Variants in FANCD2OS observed in about 807,000 individuals in gnomAD.
The protein encoded by FANCD2OS is FANCD2 opposite strand protein.
FANCD2OS carries 11 observed loss-of-function variants against 13.2 expected under a neutral mutation model. The ratio of observed to expected loss-of-function variants is 0.83; its 90% CI spans 0.52 to 1.38. The LOEUF (loss-of-function observed/expected upper bound fraction) is 1.38. Ranked by LOEUF, FANCD2OS falls within the 40% of genes most tolerant of loss-of-function variation. The probability of loss-of-function intolerance (pLI) is 0.00; values close to 1 mark genes in which losing one functional copy is unlikely to be tolerated. For synonymous variants in FANCD2OS, 69 were observed against 84.5 expected (o/e 0.82, Z 1.01); for missense variants, 217 against 213.9 (o/e 1.01, Z -0.09).
chr3:10,091,737 A>G (rs544587595), intron 2 of FANCD2OS, among the ~76,000 whole-genome samples: 27 of 152,098 alleles, frequency 1.8e-4, no homozygotes, highest in Admixed American at 8.5e-4. Context: ...GAATCTCAGA[A>G]ACTCAAAACA....
chr3:10,102,321 T>C (rs1163802678), downstream of FANCD2OS, among the ~76,000 whole-genome samples: 7 of 151,842 alleles, frequency 4.6e-5, no homozygotes, highest in Admixed American at 1.3e-4. Context: ...TCTTTGTATT[T>C]TTTAGTAGAG....
chr3:10,096,240 T>A, intron 2 of FANCD2OS: 1 of 1,419,970 alleles, frequency 7.0e-7, no homozygotes, highest in Admixed American at 1.7e-5. Context: ...GCTTGTGTTC[T>A]TATTCAACAT....
chr3:10,100,314 C>G (rs1467999149), downstream of FANCD2OS, among the ~76,000 whole-genome samples: 1 of 152,234 alleles, frequency 6.6e-6, no homozygotes, highest in Non-Finnish European at 1.5e-5. Context: ...ATCTCTCATA[C>G]TAGTATCGTA....
chr3:10,089,140 C>A (rs967370241), intron 2 of FANCD2OS, among the ~76,000 whole-genome samples: 5 of 152,038 alleles, frequency 3.3e-5, no homozygotes, highest in Admixed American at 1.3e-4. Flanking sequence ...CAAAAATTAG[C>A]CGGGCGTGGT....
chr3:10,105,605 C>A (rs1482387051), intron 1 of FANCD2OS, among the ~76,000 whole-genome samples: 2 of 151,050 alleles, frequency 1.3e-5, no homozygotes, highest in East Asian at 3.9e-4. Context: ...CAAAAATTAG[C>A]CGGGCGTGGT....
chr3:10,087,054 G>T, intron 2 of FANCD2OS: 1 of 1,492,668 alleles, frequency 6.7e-7, no homozygotes. Flanking sequence ...AAAGGGACTT[G>T]GGCACGTCAT....
intron 2 of FANCD2OS, among the ~76,000 whole-genome samples, chr3:10,092,768 C>A (rs540056452): frequency 6.8e-6 from 1 of 146,004 alleles, no homozygotes; most frequent in Non-Finnish European, 1.5e-5. Flanking sequence ...TCACAGCTCA[C>A]TGCAGCCTCA....
intron 2 of FANCD2OS, chr3:10,088,781 A>G (rs1481963615): frequency 3.7e-6 from 6 of 1,601,828 alleles, no homozygotes; most frequent in African/African-American, 1.3e-5. Flanking sequence ...CTGTAGTTGT[A>G]TTCTACTTTG....
chr3:10,094,454 T>C (rs1014489486), intron 2 of FANCD2OS: 1 of 1,085,148 alleles, frequency 9.2e-7, no homozygotes, highest in Non-Finnish European at 1.4e-6. Context: ...CTGGGAGTGT[T>C]CTACCTGGGC....
At chr3:10,101,417 G>A (rs530136960), downstream of FANCD2OS, 52 of 579,984 alleles carry the variant, frequency 9.0e-5, 1 homozygote, top group African/African-American at 8.3e-4. Context: ...ACGGGGACTC[G>A]CTGTGTTTCC....
Position 10,104,369 on chromosome 3 carries a change from A to G in FANCD2OS, c.406T>C (p.Trp136Arg). 6.2e-7 allele frequency: 1 copy of G among 1,614,206 alleles called. No homozygotes were observed. Among genetic ancestry groups the G allele is most frequent in the Non-Finnish European group, 8.5e-7 (1 of 1,180,036 alleles). Residue 136 changes from tryptophan (W) to arginine (R), a missense_variant, in exon 2 of 2, where the codon TGG (tryptophan) becomes CGG (arginine). By Grantham distance (101) the Trp-to-Arg change is moderately radical. Transcript: ENST00000450660. ...FCKIISREHQ[W>R]PIGLKEPQIQ... The stretch of plus-strand genomic sequence containing the variant: ...TGAGGCTCCTTCAGTCCAATGGGCC[A>G]CTGGTGCTCCCTGCTAATGATTTTG...
chr3:10,107,776 C>T (rs377077229), intron 1 of FANCD2OS, among the ~76,000 whole-genome samples: 3 of 151,946 alleles, frequency 2.0e-5, no homozygotes, highest in African/African-American at 7.2e-5. Context: ...CAACATGGGA[C>T]GAGAGCGCTT....
chr3:10,089,208 C>G (rs1575846989), intron 2 of FANCD2OS, among the ~76,000 whole-genome samples: 2 of 151,936 alleles, frequency 1.3e-5, no homozygotes, highest in African/African-American at 4.8e-5. Flanking sequence ...TTGCTTGAAC[C>G]TGGGAGGCGG....
At chr3:10,092,070 G>C (rs1011161869) in intron 2 of FANCD2OS, 3 of 846,558 alleles carry the variant, frequency 3.5e-6, no homozygotes, top group Non-Finnish European at 6.2e-6. Context: ...AAGGATAATT[G>C]GCTTAAATAT....
In FANCD2OS at chr3:10,104,645, A is replaced by G; in HGVS notation, c.130T>C (p.Ser44Pro). The G allele has an allele frequency of 6.2e-7, 1 of 1,614,126 alleles. No homozygotes were observed. Among genetic ancestry groups the G allele is most frequent in the Non-Finnish European group, 8.5e-7 (1 of 1,180,042 alleles). ...KASPCFPHTP[S>P]DLEVQLCFQE... ...AAGCACAGCTGCACTTCAAGGTCGGACGGTGTGTGTGGGAAGCAGGGGGAG... is the reference window on the plus strand; with the variant it reads ...AAGCACAGCTGCACTTCAAGGTCGGGCGGTGTGTGTGGGAAGCAGGGGGAG... The change falls in exon 2 of 2, where the codon TCC (serine) becomes CCC (proline). Residue 44 changes from serine (S) to proline (P), a missense_variant. Coordinates refer to ENST00000450660, the MANE Select transcript of FANCD2OS (RefSeq NM_001164839.2).
At chr3:10,085,919 T>G in intron 2 of FANCD2OS, 1 of 1,599,752 alleles carries the variant, frequency 6.3e-7, no homozygotes, top group Non-Finnish European at 8.6e-7. Flanking sequence ...GAGGAACTAC[T>G]CAGGTGAGTC....
In FANCD2OS at chr3:10,104,248, G is replaced by C. The variant is rs1213847477; in HGVS notation, c.527C>G (p.Ser176Cys). Residue 176 changes from serine to cysteine, a missense_variant, in exon 2 of 2, where the codon TCC becomes TGC. Coordinates refer to ENST00000450660, the MANE Select transcript of FANCD2OS (RefSeq NM_001164839.2). ...YKKCTFALQH[S>C]K is the part of the protein sequence containing the mutation. ...GGATCAAATGAGGACCCTTTACTTGGAGTGCTGCAAGGCAAAGGTGCACTT... is the reference window on the plus strand; with the variant it reads ...GGATCAAATGAGGACCCTTTACTTGCAGTGCTGCAAGGCAAAGGTGCACTT... 1.9e-6 allele frequency: 3 copies of C among 1,604,992 alleles called. No individual in the cohort carries two copies. The highest frequency in any genetic ancestry group is 2.6e-6 in the Non-Finnish European group (3 of 1,174,996).
At chr3:10,094,166 A>G in intron 2 of FANCD2OS, 1 of 744,776 alleles carries the variant, frequency 1.3e-6, no homozygotes, top group South Asian at 1.6e-5. Context: ...GACCCTTCCC[A>G]ATTTGTTTTT....
At chr3:10,105,324 C>A (rs546654435) in intron 1 of FANCD2OS, among the ~76,000 whole-genome samples, 3 of 152,318 alleles carry the variant, frequency 2.0e-5, no homozygotes, top group Non-Finnish European at 2.9e-5. Flanking sequence ...TATAGGTCCA[C>A]TGTTAGGACC....
Sources: gnomAD v4.1 joint callset for allele counts (sites outside exome capture counted in the v4.1 genomes callset) on GRCh38, gnomAD v4.1.1 for gene constraint, MANE v1.5 for transcripts, NCBI Gene and HGNC (gene_info 2026-07-23, HGNC 2026-07-21) for gene names.